WDR70: variants seen among roughly 807,000 people sequenced by gnomAD.
WDR70 encodes WD repeat-containing protein 70.
A neutral mutation model predicts 88.6 loss-of-function variants in WDR70; 53 were observed. The ratio of observed to expected loss-of-function variants is 0.60; its 90% CI spans 0.48 to 0.75. The LOEUF is 0.75. Among genes scored for constraint, WDR70 ranks in the 30% least tolerant of loss-of-function variants. The pLI, the probability that WDR70 is intolerant of heterozygous loss-of-function variation, is 0.00. For missense variants in WDR70, 610 were observed against 823.2 expected, an observed-to-expected ratio of 0.74 and a Z score of 3.17; for synonymous variants, 280 against 270.0, an observed-to-expected ratio of 1.04 and a Z score of -0.36.
intron 5 of WDR70, among the ~76,000 whole-genome samples, chr5:37,397,727 GCT>G (rs955077277): frequency 1.8e-4 from 28 of 152,306 alleles, no homozygotes; most frequent in African/African-American, 6.5e-4. Context: ...GGGCATAGTG[GCT>G]CACATCTGTA....
At chr5:37,681,414 CG>C (rs1746432368) in intron 10 of WDR70, among the ~76,000 whole-genome samples, 1 of 152,042 alleles carries the variant, frequency 6.6e-6, no homozygotes, top group South Asian at 2.1e-4. Context: ...TTTGGATGCC[CG>C]TTATTTCTTT....
At position 37,643,017 on chromosome 5, in the gene WDR70, G is replaced by C. The variant is rs538538637; in HGVS notation, c.1092+37779G>C. 1.3e-3 allele frequency among the ~76,000 whole-genome samples: 204 copies of C among 152,076 alleles called. 1 individual carries two copies. Among genetic ancestry groups the C allele is most frequent in the Non-Finnish European group, 2.5e-3 (170 of 67,916 alleles). On this transcript the variant is annotated intron_variant, in intron 10 of 17. Coordinates refer to ENST00000265107, the MANE Select transcript of WDR70 (RefSeq NM_018034.4). ...CATAAGATCTCATTTATCTATTTTT[G>C]CTTTGATTACCTATGCTTGTGGGGT...
At chr5:37,390,061 A>C (rs1748763624) in intron 3 of WDR70, among the ~76,000 whole-genome samples, 1 of 147,768 alleles carries the variant, frequency 6.8e-6, no homozygotes, top group South Asian at 2.1e-4. Context: ...GAAGGAAAAA[A>C]ATGTTAAAGA....
In WDR70 at chr5:37,382,043, A is replaced by G. The variant is rs113951752; in HGVS notation, c.175+358A>G. Reference sequence around the variant, plus strand: ...ACTCCAGCTTGGGGGACAAGAGTGAAATTCCATCTCAGAGAACAAAGAGAG... The same window carrying G: ...ACTCCAGCTTGGGGGACAAGAGTGAGATTCCATCTCAGAGAACAAAGAGAG... On this transcript the variant is annotated intron_variant, in intron 3 of 17. Transcript: ENST00000265107. Among the ~76,000 whole-genome samples the G allele has an allele frequency of 2.9e-3, 436 of 152,144 alleles. 1 individual carries two copies. Among genetic ancestry groups the G allele is most frequent in the Non-Finnish European group, 5.2e-3 (357 of 68,012 alleles).
chr5:37,675,565 A>C (rs1055542157), intron 10 of WDR70, among the ~76,000 whole-genome samples: 9 of 152,046 alleles, frequency 5.9e-5, no homozygotes, highest in Non-Finnish European at 1.3e-4. Flanking sequence ...ATTATTTCTG[A>C]GGGCTCTGTT....
chr5:37,675,987 T>C (rs1746192894), intron 10 of WDR70, among the ~76,000 whole-genome samples: 1 of 151,368 alleles, frequency 6.6e-6, no homozygotes, highest in African/African-American at 2.4e-5. Context: ...TTTTATTCTC[T>C]TTGAAGCAAT....
intron 9 of WDR70, among the ~76,000 whole-genome samples, chr5:37,551,768 G>GTTTTTTTT (rs1176757597): frequency 3.2e-5 from 3 of 92,728 alleles, no homozygotes; most frequent in African/African-American, 8.3e-5. Context: ...TCATTGTTTA[G>GTTTTTTTT]TTTTTTTTTT....
chr5:37,406,772 G>T (rs768188876), intron 5 of WDR70, among the ~76,000 whole-genome samples: 8 of 152,100 alleles, frequency 5.3e-5, no homozygotes, highest in Admixed American at 2.0e-4. Context: ...GGAAACTTTC[G>T]TATCATTTGA....
Position 37,522,925 on chromosome 5 carries a change from G to C in WDR70, c.917+6335G>C, listed in dbSNP as rs530679591. 2.6e-5 allele frequency among the ~76,000 whole-genome samples: 4 copies of C among 152,342 alleles called. No homozygotes were observed. In the South Asian group the frequency reaches 6.2e-4, roughly 24 times the overall value. On this transcript the variant is annotated intron_variant, in intron 9 of 17. Transcript: ENST00000265107. The stretch of plus-strand genomic sequence containing the variant: ...GATCGAACTGCAAGGTGGCAGCGAG[G>C]CTGGGGAAGGGGCACCCACCAATGC...
chr5:37,404,643 C>T (rs554634505), intron 5 of WDR70, among the ~76,000 whole-genome samples: 1 of 152,244 alleles, frequency 6.6e-6, no homozygotes, highest in African/African-American at 2.4e-5. Flanking sequence ...ATCATATTCT[C>T]AGAAGGGCCA....
chr5:37,750,045 A>G (rs1748759277), intron 17 of WDR70, among the ~76,000 whole-genome samples: 1 of 152,196 alleles, frequency 6.6e-6, no homozygotes, highest in South Asian at 2.1e-4. Flanking sequence ...TACAAAATGT[A>G]CCCATTTCAA....
intron 8 of WDR70, among the ~76,000 whole-genome samples, chr5:37,481,117 G>C (rs1252707389): frequency 6.6e-6 from 1 of 152,218 alleles, no homozygotes. Context: ...CTGTGGCTTT[G>C]CAGGGTACAG....
intron 10 of WDR70, among the ~76,000 whole-genome samples, chr5:37,622,767 G>A (rs1454783674): frequency 6.6e-6 from 1 of 152,118 alleles, no homozygotes; most frequent in Non-Finnish European, 1.5e-5. Flanking sequence ...GGGAGGGATA[G>A]CATTAGGAGA....
chr5:37,584,018 A>T (rs1743294193), intron 9 of WDR70, among the ~76,000 whole-genome samples: 1 of 152,196 alleles, frequency 6.6e-6, no homozygotes, highest in African/African-American at 2.4e-5. Flanking sequence ...TGTGAAGTAG[A>T]CAGTAATGTG....
At chr5:37,462,440 C>T (rs1414669304) in intron 7 of WDR70, among the ~76,000 whole-genome samples, 3 of 152,116 alleles carry the variant, frequency 2.0e-5, no homozygotes, top group South Asian at 4.1e-4. Flanking sequence ...GTAGCTGGGA[C>T]TACAGGCGCC....
chr5:37,389,754 T>A (rs1396369546), intron 3 of WDR70, among the ~76,000 whole-genome samples: 2 of 152,076 alleles, frequency 1.3e-5, no homozygotes, highest in Non-Finnish European at 2.9e-5. Flanking sequence ...TTAAATTTTT[T>A]CCAGTTTCTA....
intron 10 of WDR70, among the ~76,000 whole-genome samples, chr5:37,638,223 T>G (rs1189720196): frequency 1.3e-5 from 2 of 152,204 alleles, no homozygotes; most frequent in African/African-American, 2.4e-5. Flanking sequence ...TAAAATGAAT[T>G]TATGTTGTAA....
At chr5:37,484,513 C>T (rs1378907924) in intron 8 of WDR70, among the ~76,000 whole-genome samples, 1 of 152,146 alleles carries the variant, frequency 6.6e-6, no homozygotes, top group African/African-American at 2.4e-5. Context: ...CAGTACAGTC[C>T]AGCTTCGGCT....
At position 37,741,328 on chromosome 5, in the gene WDR70, A is replaced by T. The variant is rs2973073; in HGVS notation, c.1878-11158A>T. 3.0e-4 allele frequency among the ~76,000 whole-genome samples: 45 copies of T among 151,772 alleles called. 2 individuals are homozygous for T. In the South Asian group the frequency reaches 9.1e-3, roughly 31 times the overall value. On this transcript the variant is annotated intron_variant, in intron 17 of 17. Transcript: ENST00000265107. ...TACTATCTTAACCATTTATAAGTAT[A>T]TAGTTCATTAGTGTTAAGTACATTC...
Sources: gnomAD v4.1 joint callset for allele counts (sites outside exome capture counted in the v4.1 genomes callset) on GRCh38, gnomAD v4.1.1 for gene constraint, MANE v1.5 for transcripts, NCBI Gene and HGNC (gene_info 2026-07-23, HGNC 2026-07-21) for gene names.